RRM2: variants seen among roughly 807,000 people sequenced by gnomAD.
The protein encoded by RRM2 is ribonucleotide reductase regulatory subunit M2, also known as ribonucleoside-diphosphate reductase subunit M2.
Under a neutral mutation model 45.9 loss-of-function variants are expected in RRM2, and 6 were observed. The observed-to-expected ratio is 0.13, with a 90% CI of 0.07 to 0.26. The LOEUF (loss-of-function observed/expected upper bound fraction) is 0.26, where lower values mean the gene tolerates loss of function less well. Ranked by LOEUF, RRM2 falls within the 10% of genes least tolerant of loss-of-function variation. The pLI is 1.00. For synonymous variants in RRM2, 177 were observed against 173.0 expected (o/e 1.02, Z -0.18); for missense variants, 343 against 489.5 (o/e 0.70, Z 2.82).
intron 3 of RRM2, among the ~76,000 whole-genome samples, chr2:10,183,893 T>C (rs1203751305): frequency 1.3e-5 from 2 of 150,784 alleles, no homozygotes; most frequent in Admixed American, 1.3e-4. Flanking sequence ...ATCGAGACCA[T>C]CCTGCCCAAC....
At chr2:10,197,570 A>C (rs1271087771) in intron 3 of RRM2, among the ~76,000 whole-genome samples, 1 of 151,732 alleles carries the variant, frequency 6.6e-6, no homozygotes. Context: ...GTGGGTGGCC[A>C]TACCTGCGGG....
intron 3 of RRM2, among the ~76,000 whole-genome samples, chr2:10,143,592 T>TG (rs1407426442): frequency 4.6e-5 from 7 of 152,018 alleles, no homozygotes; most frequent in East Asian, 3.9e-4. Flanking sequence ...CAGGTTGCAC[T>TG]GGGGGGGCCT....
At chr2:10,134,046 G>A (rs1427848981), downstream of RRM2, among the ~76,000 whole-genome samples, 1 of 151,818 alleles carries the variant, frequency 6.6e-6, no homozygotes, top group Non-Finnish European at 1.5e-5. Flanking sequence ...GGGTGTGGTG[G>A]CCCATGTCTG....
At chr2:10,147,496 C>T (rs1234892138) in intron 3 of RRM2, among the ~76,000 whole-genome samples, 1 of 151,978 alleles carries the variant, frequency 6.6e-6, no homozygotes, top group Admixed American at 6.6e-5. Context: ...GCCCAGGCAA[C>T]AAGCAAATCT....
chr2:10,148,139 G>T (rs1663230021), intron 3 of RRM2, among the ~76,000 whole-genome samples: 1 of 95,612 alleles, frequency 1.0e-5, no homozygotes, highest in Non-Finnish European at 1.9e-5. Flanking sequence ...GTGAGACCCT[G>T]ACTCAAAAAA....
intron 5 of RRM2, among the ~76,000 whole-genome samples, chr2:10,125,206 A>C (rs1025562222): frequency 1.8e-4 from 27 of 152,214 alleles, no homozygotes; most frequent in African/African-American, 6.3e-4. Context: ...ATGGACGGGG[A>C]GGACTTGCCT....
chr2:10,138,489 G>C (rs182090384), upstream of RRM2, among the ~76,000 whole-genome samples: 870 of 152,086 alleles, frequency 5.7e-3, 5 homozygotes, highest in Non-Finnish European at 9.8e-3. Flanking sequence ...TTTTAGTAGA[G>C]ACTGGGTTTC....
At chr2:10,184,114 A>AAAAAAAAGC (rs1420492021) in intron 3 of RRM2, among the ~76,000 whole-genome samples, 3 of 148,402 alleles carry the variant, frequency 2.0e-5, no homozygotes, top group Non-Finnish European at 4.5e-5. Context: ...AAAAAAAAAA[A>AAAAAAAAGC]AAAAAAGCAA....
Position 10,185,666 on chromosome 2 carries a change from A to G in RRM2, n.483-24645A>G, listed in dbSNP as rs1436458718. Reference sequence around the variant, plus strand: ...TCTTGAACATATTCTTGAGGATGAGAAATTCTTACAAATGTATATTTTTTG... The same window carrying G: ...TCTTGAACATATTCTTGAGGATGAGGAATTCTTACAAATGTATATTTTTTG... On this transcript the variant is annotated intron_variant and non_coding_transcript_variant, in intron 3 of 3. Coordinates refer to the RRM2 transcript ENST00000381786. This position sits in a 1 kb window ranked among gnomAD's most constrained non-coding sequence, Gnocchi z 4.3. Among the ~76,000 whole-genome samples the G allele has an allele frequency of 6.6e-6, 1 of 152,166 alleles. No homozygotes were observed. Among genetic ancestry groups the G allele is most frequent in the Non-Finnish European group, 1.5e-5 (1 of 68,026 alleles).
Position 10,177,702 on chromosome 2 carries a change from C to CCTTCCTTCCTTCCTTT in RRM2, n.483-32603_483-32602insTCCTTCCTTTCTTCCT, listed in dbSNP as rs1247308877. Among the ~76,000 whole-genome samples the CCTTCCTTCCTTCCTTT allele has an allele frequency of 6.0e-3, 860 of 142,466 alleles. 13 individuals carry two copies. Among genetic ancestry groups the CCTTCCTTCCTTCCTTT allele is most frequent in the African/African-American group, 0.022 (828 of 37,580 alleles). The allele number at this position is 142,466 out of a possible 152,430, so 93.5% of individuals were successfully genotyped here. A position where few individuals can be genotyped will look rare whatever the true frequency, so the allele number is the denominator to read the frequency against. ...TCCTTCCTTCCTTCCTTCCTTCCTTCCTTCCTCTCTCCCTCCCTCCCTCCC... is the reference window on the plus strand; with the variant it reads ...TCCTTCCTTCCTTCCTTCCTTCCTTCCTTCCTTCCTTCCTTTCTTCCTCTCTCCCTCCCTCCCTCCC... On this transcript the variant is annotated intron_variant and non_coding_transcript_variant, in intron 3 of 3. Coordinates refer to the RRM2 transcript ENST00000381786.
At chr2:10,189,960 G>A (rs1189626983) in intron 3 of RRM2, among the ~76,000 whole-genome samples, 2 of 151,732 alleles carry the variant, frequency 1.3e-5, no homozygotes, top group African/African-American at 4.9e-5. Context: ...GGTGGTGATG[G>A]TGGTAGTGAT....
intron 3 of RRM2, chr2:10,146,010 C>T (rs995011377): frequency 6.6e-6 from 1 of 152,318 alleles, no homozygotes; most frequent in Non-Finnish European, 1.5e-5. Context: ...GCCTAGCCTA[C>T]CTGCCGAGAG....
chr2:10,189,301 G>A (rs1489964034), intron 3 of RRM2, among the ~76,000 whole-genome samples: 2 of 152,252 alleles, frequency 1.3e-5, no homozygotes, highest in African/African-American at 4.8e-5. Flanking sequence ...GCTGAAGCCA[G>A]GTGGAAGTGA....
At chr2:10,176,388 C>T (rs879923860) in intron 3 of RRM2, among the ~76,000 whole-genome samples, 6 of 152,160 alleles carry the variant, frequency 3.9e-5, no homozygotes, top group Non-Finnish European at 7.3e-5. Context: ...CCTGCCTCAG[C>T]CTCCCAAGTC....
chr2:10,158,206 T>A (rs960049299), intron 3 of RRM2, among the ~76,000 whole-genome samples: 18 of 152,268 alleles, frequency 1.2e-4, no homozygotes, highest in African/African-American at 3.9e-4. Flanking sequence ...AGCTCTCCAT[T>A]TTCCCATGTA....
At chr2:10,140,019 C>T (rs776745232), upstream of RRM2, among the ~76,000 whole-genome samples, 20 of 152,050 alleles carry the variant, frequency 1.3e-4, no homozygotes, top group Non-Finnish European at 2.5e-4. Context: ...GAGGCTGAGG[C>T]GGGTGGATCA....
At chr2:10,154,793 T>C (rs1428184029) in intron 3 of RRM2, among the ~76,000 whole-genome samples, 1 of 150,730 alleles carries the variant, frequency 6.6e-6, no homozygotes, top group Non-Finnish European at 1.5e-5. Context: ...CCTCCCGGGT[T>C]CAAGTGATTC....
chr2:10,138,853 A>C (rs1378171160), upstream of RRM2, among the ~76,000 whole-genome samples: 1 of 151,636 alleles, frequency 6.6e-6, no homozygotes, highest in African/African-American at 2.4e-5. Context: ...CACGCCTGTA[A>C]TCCCAACACT....
At chr2:10,144,794 C>T (rs539518834) in intron 3 of RRM2, among the ~76,000 whole-genome samples, 71 of 152,164 alleles carry the variant, frequency 4.7e-4, no homozygotes, top group African/African-American at 1.4e-3. Flanking sequence ...CTGCACTTGC[C>T]GTCAGTAAAT....
Sources: allele counts gnomAD v4.1 joint callset (sites outside exome capture counted in the v4.1 genomes callset), GRCh38; gene constraint gnomAD v4.1.1; non-coding constraint Gnocchi (gnomAD v3.1); transcripts MANE v1.5; gene names NCBI Gene and HGNC (gene_info 2026-07-23, HGNC 2026-07-21).